Variants in DIS3L2 observed in about 807,000 individuals in gnomAD.
DIS3L2 encodes the protein DIS3 like 3'-5' exoribonuclease 2.
Under a neutral mutation model 97.5 loss-of-function variants are expected in DIS3L2, and 34 were observed. The ratio of observed to expected loss-of-function variants is 0.35; its 90% CI spans 0.27 to 0.46. The LOEUF is 0.46. DIS3L2 is among the 20% of genes least tolerant of loss of function. The pLI is 1.00. For missense variants in DIS3L2, 1,038 were observed against 1,146.0 expected (o/e 0.91, Z 1.36); for synonymous variants, 435 against 445.2 (o/e 0.98, Z 0.29).
Position 232,121,839 on chromosome 2 carries a change from A to G in DIS3L2, c.602-8780A>G, listed in dbSNP as rs142422978. Among the ~76,000 whole-genome samples, 56 of 152,122 alleles carry G rather than the reference A, an allele frequency of 3.7e-4. 1 individual carries two copies. The highest frequency in any genetic ancestry group is 1.3e-3 in the African/African-American group (54 of 41,490). On this transcript the variant is annotated intron_variant, in intron 6 of 20. Transcript: ENST00000325385. Reference sequence around the variant, plus strand: ...TTTCCCACACCCTACTCTACCTCATATACCTCCCCACTTCCCCACTAGCAT... The same window carrying G: ...TTTCCCACACCCTACTCTACCTCATGTACCTCCCCACTTCCCCACTAGCAT...
chr2:232,101,070 T>A (rs1697190094), intron 6 of DIS3L2, among the ~76,000 whole-genome samples: 2 of 152,012 alleles, frequency 1.3e-5, no homozygotes, highest in African/African-American at 4.8e-5. Flanking sequence ...ACCCCGTCTC[T>A]ACTAAAAATA....
At chr2:232,294,428 CT>C (rs1476832655) in intron 13 of DIS3L2, among the ~76,000 whole-genome samples, 1 of 152,194 alleles carries the variant, frequency 6.6e-6, no homozygotes, top group East Asian at 1.9e-4. Context: ...TCTTTTGAAC[CT>C]TGTACATGGT....
At chr2:232,144,832 A>G (rs890865713) in intron 8 of DIS3L2, among the ~76,000 whole-genome samples, 30 of 152,276 alleles carry the variant, frequency 2.0e-4, no homozygotes, top group African/African-American at 7.0e-4. Flanking sequence ...GATTTTGTAA[A>G]ACGTTTCTCA....
chr2:232,018,029 A>G (rs1199467325), intron 3 of DIS3L2, among the ~76,000 whole-genome samples: 2 of 152,200 alleles, frequency 1.3e-5, no homozygotes, highest in African/African-American at 4.8e-5. Flanking sequence ...TATTGAATAA[A>G]TACTTACTTA....
chr2:232,255,702 G>T (rs1044359893), intron 12 of DIS3L2, among the ~76,000 whole-genome samples: 1 of 152,070 alleles, frequency 6.6e-6, no homozygotes, highest in African/African-American at 2.4e-5. Context: ...ATAAAAGAAG[G>T]GTCTCACAAT....
intron 13 of DIS3L2, chr2:232,343,194 G>T: frequency 1.4e-6 from 1 of 693,220 alleles, no homozygotes; most frequent in South Asian, 1.8e-5. Flanking sequence ...AATATGAAGA[G>T]GCTATTTCCT....
intron 1 of DIS3L2, among the ~76,000 whole-genome samples, chr2:231,975,753 TAGA>T (rs1693070058): frequency 6.7e-6 from 1 of 149,748 alleles, no homozygotes; most frequent in African/African-American, 2.5e-5. Flanking sequence ...GACCAGAAGT[TAGA>T]AGAAGGAAGA....
At chr2:232,335,489 G>A (rs1277407693) in intron 19 of DIS3L2, 108 of 439,826 alleles carry the variant, frequency 2.5e-4, no homozygotes, top group South Asian at 2.1e-3. Context: ...ACAGTTCTCT[G>A]TCCCCACCTC....
intron 1 of DIS3L2, among the ~76,000 whole-genome samples, chr2:231,983,292 G>A: frequency 6.6e-6 from 1 of 152,196 alleles, no homozygotes; most frequent in East Asian, 1.9e-4. Context: ...GGATAGAAGT[G>A]TGAGATCAAG....
At chr2:232,167,736 G>A (rs1559697054) in intron 9 of DIS3L2, among the ~76,000 whole-genome samples, 1 of 152,210 alleles carries the variant, frequency 6.6e-6, no homozygotes, top group South Asian at 2.1e-4. Context: ...TTACTCTTTA[G>A]TTGTTATCTT....
At chr2:231,975,692 G>A (rs141753422) in intron 1 of DIS3L2, among the ~76,000 whole-genome samples, 2,810 of 120,910 alleles carry the variant, frequency 0.023, 35 homozygotes, top group Admixed American at 0.032. Context: ...GCGACAGAGC[G>A]AGACTCCGCC....
chr2:232,085,988 T>A (rs1334249052), intron 5 of DIS3L2, among the ~76,000 whole-genome samples: 1 of 151,756 alleles, frequency 6.6e-6, no homozygotes, highest in Non-Finnish European at 1.5e-5. Flanking sequence ...GATTTTTAAA[T>A]TTTTTTTAGA....
intron 13 of DIS3L2, among the ~76,000 whole-genome samples, chr2:232,342,266 CATATACATATATACACAT>C (rs1696127171): frequency 6.9e-6 from 1 of 144,778 alleles, no homozygotes; most frequent in Non-Finnish European, 1.5e-5. Context: ...CACACATACA[CATATACATATATACACAT>C]ATATGCATAT....
chr2:232,275,274 A>G (rs1440526949), intron 13 of DIS3L2, among the ~76,000 whole-genome samples: 1 of 151,646 alleles, frequency 6.6e-6, no homozygotes, highest in Non-Finnish European at 1.5e-5. Context: ...ACTCCTTTTT[A>G]TTTTCCTCCC....
In DIS3L2 at chr2:231,976,183, C is replaced by T. The variant is rs115376825; in HGVS notation, c.-94+14418C>T. 3.5e-3 allele frequency among the ~76,000 whole-genome samples: 526 copies of T among 152,192 alleles called. 3 individuals carry two copies. Among genetic ancestry groups the T allele is most frequent in the Non-Finnish European group, 5.0e-3 (342 of 68,010 alleles). On this transcript the variant is annotated intron_variant, in intron 1 of 20. Coordinates refer to ENST00000325385, the MANE Select transcript of DIS3L2 (RefSeq NM_152383.5). ...GTTGGCTTTTAGTGTACCCATCACC[C>T]CTATAGTGTACATTACAACTCTTTT...
chr2:232,076,851 C>G (rs1696203704), intron 5 of DIS3L2, among the ~76,000 whole-genome samples: 1 of 152,108 alleles, frequency 6.6e-6, no homozygotes, highest in Non-Finnish European at 1.5e-5. Context: ...ATTACATCTT[C>G]CTTAGCTATT....
At chr2:232,205,785 T>C (rs1040703513) in intron 9 of DIS3L2, among the ~76,000 whole-genome samples, 1 of 152,170 alleles carries the variant, frequency 6.6e-6, no homozygotes, top group Non-Finnish European at 1.5e-5. Flanking sequence ...TTAAAGTTTA[T>C]TTATTTTATT....
chr2:232,028,208 G>A lies in DIS3L2; in HGVS notation c.265-1771G>A, dbSNP rs1435015479. ...CCAATTCCATTATTTTTCTTCCAGG[G>A]AAGTTCATTATCTATTTTTCTTTCT... On this transcript the variant is annotated intron_variant, in intron 4 of 20. Transcript: ENST00000325385. 3.3e-5 allele frequency among the ~76,000 whole-genome samples: 5 copies of A among 152,054 alleles called. No individual in the cohort carries two copies. In the East Asian group the frequency reaches 9.6e-4, roughly 29 times the overall value.
intron 10 of DIS3L2, among the ~76,000 whole-genome samples, chr2:232,235,577 A>G (rs1692910714): frequency 6.6e-6 from 1 of 152,058 alleles, no homozygotes; most frequent in African/African-American, 2.4e-5. Context: ...CCTGTAATGA[A>G]CTCTTTGTCA....
Sources: gnomAD v4.1 joint callset for allele counts (sites outside exome capture counted in the v4.1 genomes callset) on GRCh38, gnomAD v4.1.1 for gene constraint, MANE v1.5 for transcripts, NCBI Gene and HGNC (gene_info 2026-07-23, HGNC 2026-07-21) for gene names.